Variants in GRHL1 observed in about 807,000 individuals in gnomAD.
GRHL1 encodes grainyhead like transcription factor 1, also known as grainyhead-like protein 1 homolog.
In GRHL1, 38 loss-of-function variants were observed where a neutral mutation model predicts 75.7. The ratio of observed to expected loss-of-function variants is 0.50; its 90% CI spans 0.39 to 0.66. The LOEUF (loss-of-function observed/expected upper bound fraction) is 0.66, where lower values mean the gene tolerates loss of function less well. Among genes scored for constraint, GRHL1 ranks in the 30% least tolerant of loss-of-function variants. The pLI, the probability that GRHL1 is intolerant of heterozygous loss-of-function variation, is 0.00. For missense variants in GRHL1, 589 were observed against 767.5 expected (o/e 0.77, Z 2.75); for synonymous variants, 266 against 279.4 (o/e 0.95, Z 0.48).
chr2:9,977,123 A>G (rs1219108538), intron 8 of GRHL1, among the ~76,000 whole-genome samples: 1 of 152,000 alleles, frequency 6.6e-6, no homozygotes, highest in East Asian at 1.9e-4. Context: ...AATTTCTGTA[A>G]CTTTATATTA....
rs752785790 is a variant in GRHL1 at position 9,992,135 on chromosome 2, C to T, written c.1450C>T (p.Arg484Trp). The change falls in exon 11 of 16, where the codon CGG (arginine) becomes TGG (tryptophan). Residue 484 changes from arginine to tryptophan, a missense_variant. Around this residue, in one of 5 missense-constraint regions of GRHL1, gnomAD observed 192 missense variants for 226.6 expected, o/e 0.85. Coordinates refer to ENST00000324907, the MANE Select transcript of GRHL1 (RefSeq NM_198182.3). This position sits in a 1 kb window ranked among gnomAD's most constrained non-coding sequence, Gnocchi z 4.6. The stretch of plus-strand genomic sequence containing the variant: ...TGACGTGCACTTTGCCAACTTGCAG[C>T]GGGGCACTCATGTAGGTAACCAGGA... ...IPDVHFANLQ[R>W]GTHVLPIASE... 3.7e-6 allele frequency: 6 copies of T among 1,612,628 alleles called. No individual in the cohort carries two copies. Among genetic ancestry groups the T allele is most frequent in the South Asian group, 2.2e-5 (2 of 90,642 alleles).
chr2:9,964,423 T>G, intron 7 of GRHL1, 77 bp downstream of exon 7: 1 of 773,550 alleles, frequency 1.3e-6, no homozygotes, highest in Non-Finnish European at 2.2e-6. Flanking sequence ...TTTTTGGCAG[T>G]GATCAGCTTC....
At chr2:9,970,371 G>C (rs1305951153) in intron 8 of GRHL1, among the ~76,000 whole-genome samples, 3 of 152,248 alleles carry the variant, frequency 2.0e-5, no homozygotes, top group Non-Finnish European at 4.4e-5. Flanking sequence ...GTCTGACTTG[G>C]TTTTACTGTG....
chr2:9,964,443 G>A (rs1667404669), intron 7 of GRHL1, 97 bp downstream of exon 7: 1 of 682,908 alleles, frequency 1.5e-6, no homozygotes, highest in Admixed American at 2.7e-5. Flanking sequence ...CCTGCCGAAA[G>A]CATTTGAATT....
chr2:9,963,584 A>G (rs1457512498), intron 5 of GRHL1, among the ~76,000 whole-genome samples: 1 of 152,234 alleles, frequency 6.6e-6, no homozygotes, highest in Non-Finnish European at 1.5e-5. Flanking sequence ...CTGGATAAAT[A>G]TCAGATTGGC....
At chr2:9,996,294 T>C in intron 13 of GRHL1, 22 bp from the exon 14 acceptor site, 1 of 1,559,062 alleles carries the variant, frequency 6.4e-7, no homozygotes, top group Non-Finnish European at 8.9e-7. Context: ...CCCTTCCTTA[T>C]TCCTGGTTGG....
Position 9,995,978 on chromosome 2 carries a change from C to T in GRHL1, c.1591+8C>T, listed in dbSNP as rs763888228. 1.4e-5 allele frequency: 21 copies of T among 1,542,336 alleles called. No individual in the cohort carries two copies. The highest frequency in any genetic ancestry group is 1.2e-4 in the Admixed American group (7 of 59,690). ...TAGAAGAACCAAAGAGAGGTGTGTT[C>T]GTTTCCATTTCTTAGTGGGAGTTTT... On this transcript the variant is annotated splice_region_variant and intron_variant, in intron 13 of 15. Coordinates refer to ENST00000324907, the MANE Select transcript of GRHL1 (RefSeq NM_198182.3).
At chr2:9,985,314 A>G (rs1229038769) in intron 8 of GRHL1, among the ~76,000 whole-genome samples, 4 of 152,212 alleles carry the variant, frequency 2.6e-5, no homozygotes, top group Admixed American at 6.5e-5. Flanking sequence ...TCTGTGTGGA[A>G]CTTCTTGAAT....
chr2:9,972,459 G>A (rs1049874430), intron 8 of GRHL1, among the ~76,000 whole-genome samples: 1 of 151,284 alleles, frequency 6.6e-6, no homozygotes, highest in African/African-American at 2.5e-5. Flanking sequence ...CAATTTCAAG[G>A]CGGCATGGGG....
chr2:9,996,984 G>C (rs1196077783), intron 14 of GRHL1, among the ~76,000 whole-genome samples: 1 of 152,206 alleles, frequency 6.6e-6, no homozygotes, highest in Non-Finnish European at 1.5e-5. Context: ...TCCCGTTCCA[G>C]CTGTGCACTG....
rs1667265332 is a variant in GRHL1 at position 9,961,397 on chromosome 2, C to A, written c.630C>A (p.Asp210Glu). The change falls in exon 4 of 16, where the codon GAC becomes GAA. Residue 210 changes from aspartate (D) to glutamate (E), a missense_variant. Transcript: ENST00000324907. ...QAPNAQRRTP[D>E]STFSETFKEG... ...CAAATGCTCAAAGGCGAACTCCAGA[C>A]TCGACCTTCTCAGAGACCTTCAAGG... The A allele has an allele frequency of 2.5e-6, 4 of 1,613,592 alleles. No individual in the cohort carries two copies. Among genetic ancestry groups the A allele is most frequent in the Admixed American group, 1.7e-5 (1 of 59,994 alleles).
intron 8 of GRHL1, among the ~76,000 whole-genome samples, chr2:9,970,064 C>T (rs1465653314): frequency 2.6e-5 from 4 of 151,990 alleles, no homozygotes; most frequent in South Asian, 4.1e-4. Context: ...AGGATGGTCT[C>T]GATCTCCTGA....
chr2:9,960,980 G>A, intron 3 of GRHL1, 66 bp from the exon 4 acceptor site: 1 of 1,330,946 alleles, frequency 7.5e-7, no homozygotes, highest in Non-Finnish European at 1.0e-6. Flanking sequence ...AATGCCATTA[G>A]GAAAATAAAA....
chr2:9,982,985 C>G (rs112347640), intron 8 of GRHL1, among the ~76,000 whole-genome samples: 6 of 151,518 alleles, frequency 4.0e-5, no homozygotes, highest in Non-Finnish European at 7.3e-5. Flanking sequence ...TGCACTGGGT[C>G]GCAGTGCTTA....
At chr2:9,998,460 A>G (rs370731760) in intron 14 of GRHL1, among the ~76,000 whole-genome samples, 608 of 17,068 alleles carry the variant, frequency 0.036, 99 homozygotes, top group East Asian at 0.13. Context: ...ATATATATAC[A>G]TATATATACG....
Position 9,954,895 on chromosome 2 carries a change from T to TG in GRHL1, c.21-20_21-19insG. On this transcript the variant is annotated intron_variant, in intron 1 of 15. Transcript: ENST00000324907. ...AGTAGAAAAGTGTGTGTTTTTGTTT[T>TG]TTTTTTAATTTCTCTGAAGCAAACG... The TG allele has an allele frequency of 6.2e-7, 1 of 1,606,212 alleles. No homozygotes were observed.
intron 8 of GRHL1, among the ~76,000 whole-genome samples, chr2:9,981,589 C>T (rs1272240971): frequency 6.6e-6 from 1 of 152,218 alleles, no homozygotes; most frequent in Non-Finnish European, 1.5e-5. Flanking sequence ...ACTATTACTG[C>T]AGAGTCGAGT....
chr2:9,988,141 A>G (rs1410557489), intron 9 of GRHL1, among the ~76,000 whole-genome samples: 3 of 152,106 alleles, frequency 2.0e-5, no homozygotes, highest in Non-Finnish European at 4.4e-5. Context: ...TTTTTGTATT[A>G]TTGTGAATCT....
chr2:9,973,890 C>G (rs1667837990), intron 8 of GRHL1, among the ~76,000 whole-genome samples: 2 of 152,196 alleles, frequency 1.3e-5, no homozygotes, highest in South Asian at 4.1e-4. Context: ...AGCCACATCA[C>G]CAGCTGGACT....
Sources: gnomAD v4.1 joint callset for allele counts (sites outside exome capture counted in the v4.1 genomes callset) on GRCh38, gnomAD v4.1.1 for gene constraint, gnomAD v4.1.1 regional missense constraint, Gnocchi (gnomAD v3.1) non-coding constraint, MANE v1.5 for transcripts, NCBI Gene and HGNC (gene_info 2026-07-23, HGNC 2026-07-21) for gene names.